Variants in DAG1 observed in about 807,000 individuals in gnomAD.
The protein encoded by DAG1 is dystroglycan 1, also known as dystroglycan 1 (dystrophin-associated glycoprotein 1).
DAG1 carries 8 observed loss-of-function variants against 46.1 expected under a neutral mutation model. The observed-to-expected ratio is 0.17, with a 90% CI of 0.10 to 0.31. DAG1 has a LOEUF of 0.31. DAG1 is among the 10% of genes least tolerant of loss of function. The pLI is 1.00. For missense variants in DAG1, 1,003 were observed against 1,189.9 expected (o/e 0.84, Z 2.31); for synonymous variants, 495 against 481.8 (o/e 1.03, Z -0.36).
chr3:49,532,403 A>G lies in DAG1; in HGVS notation c.1892A>G (p.Lys631Arg), dbSNP rs767737971. The change falls in exon 3 of 3, where the codon AAG becomes AGG. Residue 631 changes from lysine (K) to arginine (R), a missense_variant. This residue lies in a region of DAG1 where 755 missense variants were observed against 854.1 expected (regional missense o/e 0.88). Transcript: ENST00000308775. This position sits in a 1 kb window ranked among gnomAD's most constrained non-coding sequence, Gnocchi z 5.4. ...NDIHKKIALV[K>R]KLAFAFGDRN... ...ATCCACAAGAAGATTGCCTTGGTAAAGAAACTGGCCTTCGCCTTTGGAGAC... is the reference window on the plus strand; with the variant it reads ...ATCCACAAGAAGATTGCCTTGGTAAGGAAACTGGCCTTCGCCTTTGGAGAC... 7 of 1,614,100 alleles carry G rather than the reference A, an allele frequency of 4.3e-6. No homozygotes were observed. Among genetic ancestry groups the G allele is most frequent in the Non-Finnish European group, 5.9e-6 (7 of 1,180,048 alleles).
At position 49,531,425 on chromosome 3, in the gene DAG1, C is replaced by T; in HGVS notation, c.914C>T (p.Pro305Leu). Residue 305 changes from proline to leucine, a missense_variant, in exon 3 of 3, where the codon CCT (proline) becomes CTT (leucine). By Grantham distance (98) the Pro-to-Leu change is moderately conservative (BLOSUM62 -3). Transcript: ENST00000308775. The surrounding 1 kb of genome is among the most constrained non-coding windows in gnomAD (Gnocchi z 7.0). ...VGWHIANKKP[P>L]LPKRVRRQIH... ...TGGCACATCGCCAATAAGAAGCCCC[C>T]TCTTCCCAAACGCGTCCGGAGGCAG... is the stretch of plus-strand genomic sequence containing the variant. 1 of 1,614,080 alleles carries T rather than the reference C, an allele frequency of 6.2e-7. No homozygotes were observed. The highest frequency in any genetic ancestry group is 1.1e-5 in the South Asian group (1 of 91,070).
intron 2 of DAG1, among the ~76,000 whole-genome samples, chr3:49,527,709 A>C (rs1195907538): frequency 6.6e-6 from 1 of 152,194 alleles, no homozygotes; most frequent in Non-Finnish European, 1.5e-5. Flanking sequence ...TCTAAAAAAA[A>C]AAAGTGCCCT....
At chr3:49,487,962 A>G (rs1024018620) in intron 1 of DAG1, among the ~76,000 whole-genome samples, 2 of 152,006 alleles carry the variant, frequency 1.3e-5, no homozygotes, top group African/African-American at 4.8e-5. Context: ...TCGGCTTCCC[A>G]AAGTGCTGGG....
At chr3:49,471,538 G>GTT (rs11456203) in intron 1 of DAG1, among the ~76,000 whole-genome samples, 1 of 151,838 alleles carries the variant, frequency 6.6e-6, no homozygotes, top group African/African-American at 2.4e-5. Flanking sequence ...ACTTTTGTGG[G>GTT]TTTTTTTTGC....
intron 2 of DAG1, among the ~76,000 whole-genome samples, chr3:49,515,671 C>T (rs2107704930): frequency 6.6e-6 from 1 of 152,238 alleles, no homozygotes; most frequent in South Asian, 2.1e-4. Context: ...CAGACATGAG[C>T]ATCACGCCCA....
chr3:49,493,372 A>C (rs1448008234), intron 1 of DAG1, among the ~76,000 whole-genome samples: 1 of 152,138 alleles, frequency 6.6e-6, no homozygotes, highest in Non-Finnish European at 1.5e-5. Context: ...CTTGGGTTCT[A>C]AAATGCAAGA....
At chr3:49,470,925 A>C (rs576164984) in intron 1 of DAG1, 6 of 152,234 alleles carry the variant, frequency 3.9e-5, no homozygotes, top group Non-Finnish European at 8.8e-5. Flanking sequence ...CTCCTTTGGA[A>C]GCTTGTTTAC....
At chr3:49,508,342 C>T (rs1200579865) in intron 1 of DAG1, among the ~76,000 whole-genome samples, 1 of 151,808 alleles carries the variant, frequency 6.6e-6, no homozygotes, top group Non-Finnish European at 1.5e-5. Flanking sequence ...GCTGGGATTA[C>T]AGGTGCCTGC....
intron 1 of DAG1, among the ~76,000 whole-genome samples, chr3:49,478,289 AG>A (rs2106917835): frequency 1.3e-5 from 2 of 149,320 alleles, no homozygotes; most frequent in Non-Finnish European, 1.5e-5. Context: ...AAAAAAAAAA[AG>A]AAAAAAAAGT....
At chr3:49,501,720 G>A (rs1183277609) in intron 1 of DAG1, among the ~76,000 whole-genome samples, 2 of 151,762 alleles carry the variant, frequency 1.3e-5, no homozygotes, top group Non-Finnish European at 2.9e-5. Context: ...GGCTGAGGCA[G>A]GGAGAATTGC....
chr3:49,497,512 T>G (rs1211366276), intron 1 of DAG1, among the ~76,000 whole-genome samples: 1 of 151,556 alleles, frequency 6.6e-6, no homozygotes, highest in Non-Finnish European at 1.5e-5. Context: ...TGTGGGAGGC[T>G]GAGGCAGAAG....
intron 1 of DAG1, among the ~76,000 whole-genome samples, chr3:49,490,974 C>T (rs2050166299): frequency 6.7e-6 from 1 of 149,804 alleles, no homozygotes; most frequent in Admixed American, 6.7e-5. Flanking sequence ...CAACTTCTGC[C>T]TCCCAGGTTC....
At chr3:49,525,976 G>A (rs1212599637) in intron 2 of DAG1, among the ~76,000 whole-genome samples, 6 of 151,774 alleles carry the variant, frequency 4.0e-5, no homozygotes, top group East Asian at 1.9e-4. Flanking sequence ...TCAGCCTCTC[G>A]AGTAGCTGGG....
intron 1 of DAG1, among the ~76,000 whole-genome samples, chr3:49,480,267 C>A (rs1051200659): frequency 1.0e-5 from 1 of 100,012 alleles, no homozygotes; most frequent in African/African-American, 3.6e-5. Context: ...TATAACATTT[C>A]TTTTTTTTTT....
chr3:49,514,513 C>G (rs1247090694), intron 2 of DAG1, among the ~76,000 whole-genome samples: 1 of 152,066 alleles, frequency 6.6e-6, no homozygotes, highest in Non-Finnish European at 1.5e-5. Flanking sequence ...CTTTGTTGCC[C>G]AGGCTGGAGT....
Position 49,532,594 on chromosome 3 carries a change from GC to G in DAG1, c.2086del (p.Leu696Ter). 1 of 1,612,586 alleles carries G rather than the reference GC, an allele frequency of 6.2e-7. No homozygotes were observed. Among genetic ancestry groups the G allele is most frequent in the Non-Finnish European group, 8.5e-7 (1 of 1,178,816 alleles). On this transcript the variant is annotated frameshift_variant, in exon 3 of 3. Coordinates refer to ENST00000308775, the MANE Select transcript of DAG1 (RefSeq NM_004393.6). LOFTEE classifies it high-confidence loss of function. The surrounding 1 kb of genome is among the most constrained non-coding windows in gnomAD (Gnocchi z 5.4). Reference protein sequence around the residue: ...DGKPRPAFSNALEPDFKATSI... With the variant: ...DGKPRPAFSNXLEPDFKATSI... ...AAAACCTCGGCCTGCCTTCTCCAACGCCCTAGAGCCTGACTTTAAGGCCACA... is the reference window on the plus strand; with the variant it reads ...AAAACCTCGGCCTGCCTTCTCCAACGCCTAGAGCCTGACTTTAAGGCCACA...
intron 2 of DAG1, among the ~76,000 whole-genome samples, chr3:49,529,048 G>A (rs1047491315): frequency 1.3e-5 from 2 of 151,812 alleles, no homozygotes; most frequent in African/African-American, 4.8e-5. Flanking sequence ...ATGGGGTTTC[G>A]CCGTGTTGGC....
chr3:49,486,186 TTTTATTTATTTATTTATTTA>T (rs34143078), intron 1 of DAG1, among the ~76,000 whole-genome samples: 7 of 145,118 alleles, frequency 4.8e-5, no homozygotes, highest in African/African-American at 7.7e-5. Context: ...TTTCTTTTTC[TTTTATTTATTTATTTATTTA>T]TTTATTTATT....
Position 49,531,953 on chromosome 3 carries a change from G to A in DAG1, c.1442G>A (p.Arg481His), listed in dbSNP as rs1256677839. 1.1e-5 allele frequency: 17 copies of A among 1,613,994 alleles called. No homozygotes were observed. Among genetic ancestry groups the A allele is most frequent in the East Asian group, 2.2e-5 (1 of 44,894 alleles). The change falls in exon 3 of 3, where the codon CGC (arginine) becomes CAC (histidine). Residue 481 changes from arginine (R) to histidine (H), a missense_variant. Coordinates refer to ENST00000308775, the MANE Select transcript of DAG1 (RefSeq NM_004393.6). This position sits in a 1 kb window ranked among gnomAD's most constrained non-coding sequence, Gnocchi z 7.0. ...LETASPPTRI[R>H]TTTSGVPRGG... ...ACTGCCTCACCGCCTACTCGTATTC[G>A]CACCACCACCAGTGGAGTGCCCCGT...
Sources: gnomAD v4.1 joint callset for allele counts (sites outside exome capture counted in the v4.1 genomes callset) on GRCh38, gnomAD v4.1.1 for gene constraint, gnomAD v4.1.1 regional missense constraint, Gnocchi (gnomAD v3.1) non-coding constraint, MANE v1.5 for transcripts, NCBI Gene and HGNC (gene_info 2026-07-23, HGNC 2026-07-21) for gene names.